Variants in SGCZ observed in about 807,000 individuals in gnomAD.
The protein encoded by SGCZ is zeta-sarcoglycan.
Under a neutral mutation model 41.3 loss-of-function variants are expected in SGCZ, and 40 were observed. The ratio of observed to expected loss-of-function variants is 0.97; its 90% CI spans 0.75 to 1.26. The LOEUF is 1.26. Ranked by LOEUF, SGCZ falls within the 50% of genes most tolerant of loss-of-function variation. The probability of loss-of-function intolerance (pLI) is 0.00; values close to 1 mark genes in which losing one functional copy is unlikely to be tolerated. For missense variants in SGCZ, 552 were observed against 369.8 expected, an observed-to-expected ratio of 1.49 and a Z score of -4.04; for synonymous variants, 206 against 137.5, an observed-to-expected ratio of 1.50 and a Z score of -3.49.
chr8:14,394,812 T>A (rs1030495922), intron 2 of SGCZ, among the ~76,000 whole-genome samples: 3 of 152,168 alleles, frequency 2.0e-5, no homozygotes, highest in African/African-American at 7.2e-5. Flanking sequence ...ATAATGAACA[T>A]ATTGTGTCTA....
chr8:15,087,910 A>C (rs374753893), intron 1 of SGCZ, among the ~76,000 whole-genome samples: 1 of 152,222 alleles, frequency 6.6e-6, no homozygotes, highest in Non-Finnish European at 1.5e-5. Context: ...CATGTAAATT[A>C]ACGTGAGGCT....
At chr8:14,748,309 C>G (rs937029381) in intron 1 of SGCZ, among the ~76,000 whole-genome samples, 4 of 152,116 alleles carry the variant, frequency 2.6e-5, no homozygotes, top group African/African-American at 7.2e-5. Flanking sequence ...ATTCAATGCC[C>G]ATGCTTTTAA....
In SGCZ at chr8:15,080,485, G is replaced by A. The variant is rs371125850; in HGVS notation, c.39+157100C>T. On this transcript the variant is annotated intron_variant, in intron 1 of 7. Coordinates refer to ENST00000382080, the MANE Select transcript of SGCZ (RefSeq NM_139167.4). Reference sequence around the variant, plus strand: ...CCCAACGCCAGCCTAAAATGTATATGTCTTAACCTCCAGTACCCCAAATGT... The same window carrying A: ...CCCAACGCCAGCCTAAAATGTATATATCTTAACCTCCAGTACCCCAAATGT... Among the ~76,000 whole-genome samples the A allele has an allele frequency of 3.1e-4, 47 of 152,252 alleles. 1 individual carries two copies. Among genetic ancestry groups the A allele is most frequent in the Middle Eastern group, 3.4e-3 (1 of 294 alleles).
At chr8:14,933,420 AC>A (rs1799979644) in intron 1 of SGCZ, among the ~76,000 whole-genome samples, 1 of 138,666 alleles carries the variant, frequency 7.2e-6, no homozygotes, top group Admixed American at 7.6e-5. Context: ...TATTCCATAT[AC>A]TTTTTTTTTC....
At chr8:14,640,940 C>T (rs1807003830) in intron 1 of SGCZ, among the ~76,000 whole-genome samples, 1 of 151,684 alleles carries the variant, frequency 6.6e-6, no homozygotes. Context: ...CTGCAAGTTG[C>T]TCTTCTCCCT....
intron 1 of SGCZ, among the ~76,000 whole-genome samples, chr8:14,596,682 G>C (rs1805423713): frequency 6.6e-6 from 1 of 152,068 alleles, no homozygotes; most frequent in Non-Finnish European, 1.5e-5. Flanking sequence ...CGGGGTGGGG[G>C]AAGGGGAGGG....
At chr8:14,334,495 T>C (rs111882392) in intron 2 of SGCZ, among the ~76,000 whole-genome samples, 2 of 152,138 alleles carry the variant, frequency 1.3e-5, no homozygotes, top group African/African-American at 4.8e-5. Flanking sequence ...ATAGAACATG[T>C]TACATTTATT....
At chr8:14,837,555 C>T (rs1802742449) in intron 1 of SGCZ, among the ~76,000 whole-genome samples, 2 of 152,046 alleles carry the variant, frequency 1.3e-5, no homozygotes, top group Admixed American at 1.3e-4. Context: ...ACAATGGAGG[C>T]AAAACTGGTA....
intron 1 of SGCZ, among the ~76,000 whole-genome samples, chr8:15,180,729 C>A (rs934680878): frequency 2.0e-5 from 3 of 151,578 alleles, no homozygotes; most frequent in Non-Finnish European, 4.4e-5. Context: ...ATTAAAAATA[C>A]AAACAAAATT....
At chr8:14,547,551 T>A (rs1436584663) in intron 2 of SGCZ, among the ~76,000 whole-genome samples, 1 of 152,208 alleles carries the variant, frequency 6.6e-6, no homozygotes, top group African/African-American at 2.4e-5. Flanking sequence ...TCACAGCTAA[T>A]AATGCATGGA....
At chr8:14,234,013 C>T (rs1806667317) in intron 4 of SGCZ, among the ~76,000 whole-genome samples, 1 of 151,908 alleles carries the variant, frequency 6.6e-6, no homozygotes, top group Non-Finnish European at 1.5e-5. Context: ...TCATCAATCT[C>T]CTCCAATGTT....
chr8:14,674,931 T>A (rs1272093434), intron 1 of SGCZ, among the ~76,000 whole-genome samples: 1 of 66,658 alleles, frequency 1.5e-5, no homozygotes, highest in Non-Finnish European at 2.9e-5. Context: ...CTTTTCTGTT[T>A]TTTTTTTTTT....
chr8:14,633,325 A>C (rs1783065838), intron 1 of SGCZ, among the ~76,000 whole-genome samples: 1 of 151,944 alleles, frequency 6.6e-6, no homozygotes, highest in African/African-American at 2.4e-5. Context: ...CATTATTAGC[A>C]CTGTGACTTC....
chr8:14,221,637 A>T (rs892862724), intron 4 of SGCZ, among the ~76,000 whole-genome samples: 16 of 152,170 alleles, frequency 1.1e-4, no homozygotes, highest in Admixed American at 1.0e-3. Context: ...CATAGTTTAG[A>T]TTCAAATAAG....
intron 1 of SGCZ, among the ~76,000 whole-genome samples, chr8:14,963,746 C>G (rs17573960): frequency 0.39 from 59,563 of 152,042 alleles, 12,572 homozygotes; most frequent in Non-Finnish European, 0.46. Flanking sequence ...GTATGGAGAA[C>G]ACTTTCACGC....
chr8:15,237,207 A>G (rs1206150062), intron 1 of SGCZ, among the ~76,000 whole-genome samples: 3 of 151,864 alleles, frequency 2.0e-5, no homozygotes, highest in Non-Finnish European at 2.9e-5. Context: ...AGCTCGGACA[A>G]CTTTGCTGGG....
chr8:14,639,035 A>C (rs1806928827), intron 1 of SGCZ, among the ~76,000 whole-genome samples: 2 of 105,064 alleles, frequency 1.9e-5, no homozygotes, highest in Non-Finnish European at 2.0e-5. Context: ...AAGAAACTGG[A>C]ATCTTTTTTT....
rs775041305 is a variant in SGCZ at position 14,764,916 on chromosome 8, T to A, written c.40-209990A>T. On this transcript the variant is annotated intron_variant, in intron 1 of 7. Coordinates refer to ENST00000382080, the MANE Select transcript of SGCZ (RefSeq NM_139167.4). ...TGTTTACATCTTACTTTTAAATGGT[T>A]GAACAACAGCAAATGAGTCCAAATG... 3.9e-5 allele frequency among the ~76,000 whole-genome samples: 6 copies of A among 152,338 alleles called. No individual in the cohort carries two copies. In the South Asian group the frequency reaches 8.3e-4, roughly 21 times the overall value.
At chr8:14,915,987 G>C (rs1017120605) in intron 1 of SGCZ, among the ~76,000 whole-genome samples, 9 of 152,164 alleles carry the variant, frequency 5.9e-5, no homozygotes, top group Non-Finnish European at 1.3e-4. Context: ...AAAAAAGTTT[G>C]TTGGGACTTT....
Sources: gnomAD v4.1 joint callset for allele counts (sites outside exome capture counted in the v4.1 genomes callset) on GRCh38, gnomAD v4.1.1 for gene constraint, MANE v1.5 for transcripts, NCBI Gene and HGNC (gene_info 2026-07-23, HGNC 2026-07-21) for gene names.